The following DNAH6 variants were observed in gnomAD, a reference collection of about 807,000 sequenced individuals.
DNAH6 encodes axonemal beta dynein heavy chain 6.
DNAH6 carries 340 observed loss-of-function variants against 491.4 expected under a neutral mutation model. The ratio of observed to expected loss-of-function variants is 0.69; its 90% CI spans 0.63 to 0.76. The LOEUF (loss-of-function observed/expected upper bound fraction) is 0.76. Ranked by LOEUF, DNAH6 falls within the 30% of genes least tolerant of loss-of-function variation. The pLI, the probability that DNAH6 is intolerant of heterozygous loss-of-function variation, is 0.00. For synonymous variants in DNAH6, 1,603 were observed against 1,686.1 expected (o/e 0.95, Z 1.21); for missense variants, 4,443 against 4,972.2 (o/e 0.89, Z 3.20).
At chr2:84,510,974 G>T in the DNAH6 span, among the ~76,000 whole-genome samples, 4 of 152,216 alleles carry the variant, frequency 2.6e-5, no homozygotes, top group African/African-American at 9.6e-5. Flanking sequence ...TGAGGTGTCA[G>T]TCCGCCCCTA....
rs116141070 is a variant in DNAH6 at position 84,766,308 on chromosome 2, A to G, written c.10703+3363A>G. Among the ~76,000 whole-genome samples the G allele has an allele frequency of 7.5e-3, 1,147 of 152,326 alleles. 17 individuals are homozygous for G. Among genetic ancestry groups the G allele is most frequent in the African/African-American group, 0.026 (1,070 of 41,570 alleles). ...AAATTAGCCATGCTTTTAGAAAGAC[A>G]CATATTTCTAAAAGAAGACAGATAT... On this transcript the variant is annotated intron_variant, in intron 64 of 76. Coordinates refer to ENST00000389394, the MANE Select transcript of DNAH6 (RefSeq NM_001370.2).
chr2:84,606,981 T>C lies in DNAH6; in HGVS notation c.3180T>C (p.Leu1060=). The part of the protein sequence containing the change: ...ILGGTDDIQV[L]LDDSTINVAT... ...TTCTTCCCCTTCCTTTAAAGGTCCTTCTTGATGATAGCACCATCAATGTTG... is the reference window on the plus strand; with the variant it reads ...TTCTTCCCCTTCCTTTAAAGGTCCTCCTTGATGATAGCACCATCAATGTTG... Residue 1060 remains leucine (L), a synonymous_variant, in exon 21 of 77, where the codon CTT becomes CTC. Transcript: ENST00000389394. 6.4e-7 allele frequency: 1 copy of C among 1,550,766 alleles called. No individual in the cohort carries two copies.
chr2:84,651,953 C>CT (rs1338398048), intron 33 of DNAH6, among the ~76,000 whole-genome samples: 10,382 of 144,584 alleles, frequency 0.072, 1,160 homozygotes, highest in African/African-American at 0.24. Context: ...ATGCATGAGT[C>CT]TTTTTTTTTT....
chr2:84,792,023 C>T (rs1677803994), intron 68 of DNAH6, among the ~76,000 whole-genome samples: 1 of 152,054 alleles, frequency 6.6e-6, no homozygotes, highest in Non-Finnish European at 1.5e-5. Flanking sequence ...ATCGTATATA[C>T]ATACAATGGA....
At chr2:84,813,611 T>G (rs150177699) in intron 74 of DNAH6, among the ~76,000 whole-genome samples, 67 of 152,326 alleles carry the variant, frequency 4.4e-4, no homozygotes, top group Middle Eastern at 3.4e-3. Flanking sequence ...TCATTCTTAA[T>G]ACCTATTAAA....
the DNAH6 span, among the ~76,000 whole-genome samples, chr2:84,479,490 C>A: frequency 6.6e-6 from 1 of 152,164 alleles, no homozygotes; most frequent in Non-Finnish European, 1.5e-5. Flanking sequence ...TAATAGATAG[C>A]CTCTCCCAAA....
chr2:84,715,659 G>A (rs553958671), intron 58 of DNAH6, 32 bp downstream of exon 58: 9 of 1,523,988 alleles, frequency 5.9e-6, no homozygotes, highest in East Asian at 2.5e-5. Flanking sequence ...GGGAGGGAAG[G>A]GGGTATTGTG....
intron 1 of DNAH6, among the ~76,000 whole-genome samples, chr2:84,517,616 G>A (rs1396262343): frequency 6.6e-6 from 1 of 152,178 alleles, no homozygotes; most frequent in Non-Finnish European, 1.5e-5. Context: ...AGGGGTTCTT[G>A]AAGCCTAGGC....
At chr2:84,765,943 C>T (rs553038393) in intron 64 of DNAH6, among the ~76,000 whole-genome samples, 2 of 152,068 alleles carry the variant, frequency 1.3e-5, no homozygotes, top group Non-Finnish European at 2.9e-5. Context: ...CACAAAACAG[C>T]GTTTGAAGCA....
chr2:84,706,824 G>C (rs1696501056), intron 52 of DNAH6, 72 bp from the exon 53 acceptor site: 2 of 1,470,904 alleles, frequency 1.4e-6, no homozygotes, highest in South Asian at 1.4e-5. Context: ...ATTTTTTTTA[G>C]ATCTGTATTA....
chr2:84,709,001 G>A (rs184307222), intron 54 of DNAH6, among the ~76,000 whole-genome samples: 84 of 152,268 alleles, frequency 5.5e-4, no homozygotes, highest in Admixed American at 1.2e-3. Flanking sequence ...GTGATAACCC[G>A]AAACTTCTCC....
chr2:84,740,089 G>A (rs957985574), intron 62 of DNAH6, among the ~76,000 whole-genome samples: 5 of 151,730 alleles, frequency 3.3e-5, no homozygotes, highest in Non-Finnish European at 7.4e-5. Context: ...GGGTATGACT[G>A]TGATGTATAT....
intron 4 of DNAH6, among the ~76,000 whole-genome samples, chr2:84,531,758 A>G (rs1573521458): frequency 6.8e-6 from 1 of 147,828 alleles, no homozygotes; most frequent in Non-Finnish European, 1.5e-5. Context: ...AAAAAAGAGG[A>G]TTTTTCCAAC....
chr2:84,680,362 C>T lies in DNAH6; in HGVS notation c.6745-995C>T, dbSNP rs113489616. ...CAATAATGATTTTTCCAAGCACTTG[C>T]GGGTCAAGGACTAGCTAATAAATAC... is the stretch of plus-strand genomic sequence containing the variant. On this transcript the variant is annotated intron_variant, in intron 41 of 76. Transcript: ENST00000389394. 6.1e-3 allele frequency among the ~76,000 whole-genome samples: 932 copies of T among 152,156 alleles called. 4 individuals are homozygous for T. Among genetic ancestry groups the T allele is most frequent in the Admixed American group, 0.01 (160 of 15,280 alleles).
intron 15 of DNAH6, among the ~76,000 whole-genome samples, chr2:84,586,122 C>G (rs151181517): frequency 6.6e-6 from 1 of 152,232 alleles, no homozygotes; most frequent in Non-Finnish European, 1.5e-5. Context: ...AGGGAGAGAC[C>G]AGGCTGCAGA....
At chr2:84,678,558 C>T (rs1693475431) in intron 41 of DNAH6, among the ~76,000 whole-genome samples, 1 of 152,000 alleles carries the variant, frequency 6.6e-6, no homozygotes, top group African/African-American at 2.4e-5. Flanking sequence ...ACAAAAACAT[C>T]GTTCTTCATC....
intron 4 of DNAH6, among the ~76,000 whole-genome samples, chr2:84,531,833 TA>T (rs140811717): frequency 4.6e-5 from 7 of 151,808 alleles, no homozygotes; most frequent in Admixed American, 3.3e-4. Flanking sequence ...GCCCTTCAAT[TA>T]AAAAAAACCC....
the DNAH6 span, among the ~76,000 whole-genome samples, chr2:84,462,646 C>G: frequency 6.6e-6 from 1 of 152,222 alleles, no homozygotes; most frequent in Non-Finnish European, 1.5e-5. Flanking sequence ...CAAAACATTA[C>G]TGGTATTAAA....
the DNAH6 span, among the ~76,000 whole-genome samples, chr2:84,487,873 T>A: frequency 6.6e-6 from 1 of 152,266 alleles, no homozygotes; most frequent in African/African-American, 2.4e-5. Context: ...AGTCCCTGTC[T>A]ATGGGGATAA....
Sources: allele counts gnomAD v4.1 joint callset (sites outside exome capture counted in the v4.1 genomes callset), GRCh38; gene constraint gnomAD v4.1.1; transcripts MANE v1.5; gene names NCBI Gene and HGNC (gene_info 2026-07-23, HGNC 2026-07-21).